OXSR1: variants seen among roughly 807,000 people sequenced by gnomAD.
The protein encoded by OXSR1 is serine/threonine-protein kinase OSR1.
Under a neutral mutation model 79.8 loss-of-function variants are expected in OXSR1, and 24 were observed. The observed-to-expected ratio is 0.30, with a 90% CI of 0.22 to 0.42. OXSR1 has a LOEUF of 0.42. OXSR1 is among the 10% of genes least tolerant of loss of function. The pLI is 1.00. For missense variants in OXSR1, 430 were observed against 618.4 expected, an observed-to-expected ratio of 0.70 and a Z score of 3.23; for synonymous variants, 226 against 209.2, an observed-to-expected ratio of 1.08 and a Z score of -0.69.
intron 1 of OXSR1, among the ~76,000 whole-genome samples, chr3:38,170,743 C>T (rs919520356): frequency 6.6e-6 from 1 of 152,150 alleles, no homozygotes. Flanking sequence ...TGGATATAAA[C>T]TGGAAGATGG....
chr3:38,172,506 C>T (rs1701601141), intron 1 of OXSR1, among the ~76,000 whole-genome samples: 1 of 152,168 alleles, frequency 6.6e-6, no homozygotes, highest in African/African-American at 2.4e-5. Flanking sequence ...CTAGCTTTGA[C>T]ACTTTGAAGG....
intron 11 of OXSR1, among the ~76,000 whole-genome samples, chr3:38,241,506 A>G (rs1428191658): frequency 1.6e-4 from 24 of 152,054 alleles, no homozygotes; most frequent in Admixed American, 1.5e-3. Context: ...GTGAAGTTAT[A>G]TAAGAAAATA....
At chr3:38,229,067 T>C (rs1422367634) in intron 8 of OXSR1, among the ~76,000 whole-genome samples, 1 of 152,208 alleles carries the variant, frequency 6.6e-6, no homozygotes, top group East Asian at 1.9e-4. Flanking sequence ...TAAAAGCTTG[T>C]AAAATTGACA....
At chr3:38,198,645 T>C (rs1575327840) in intron 3 of OXSR1, 77 bp from the exon 4 acceptor site, 3 of 1,090,892 alleles carry the variant, frequency 2.8e-6, no homozygotes, top group East Asian at 4.9e-5. Context: ...GGTTCACATG[T>C]GTTTTGATTC....
chr3:38,242,832 G>A lies in OXSR1; in HGVS notation c.1110+54G>A, dbSNP rs923314758. 1.4e-5 allele frequency: 16 copies of A among 1,111,774 alleles called. No individual in the cohort carries two copies. The African/African-American group carries it at 2.5e-4, about 17-fold the overall frequency. 68.9% of individuals were successfully genotyped at this position (1,111,774 alleles called of 1,614,324 possible). On this transcript the variant is annotated intron_variant, in intron 12 of 17. Coordinates refer to ENST00000311806, the MANE Select transcript of OXSR1 (RefSeq NM_005109.3). The stretch of plus-strand genomic sequence containing the variant: ...TTAAAGTAAATGTGCTTTTGTTTTG[G>A]TTTCAATTCGAAGTGCTTTTGTTTG...
Position 38,226,786 on chromosome 3 carries a change from G to C in OXSR1, c.836+2082G>C, listed in dbSNP as rs187206898. ...GAGACTAAGAAACTGTCACAGATTG[G>C]AGGAAATTAAGAAGACGTGAAGACG... On this transcript the variant is annotated intron_variant, in intron 8 of 17. Transcript: ENST00000311806. Among the ~76,000 whole-genome samples, 242 of 151,948 alleles carry C rather than the reference G, an allele frequency of 1.6e-3. 1 individual carries two copies. Among genetic ancestry groups the C allele is most frequent in the African/African-American group, 5.7e-3 (237 of 41,430 alleles).
At chr3:38,201,038 T>C (rs1702153328) in intron 4 of OXSR1, among the ~76,000 whole-genome samples, 1 of 152,086 alleles carries the variant, frequency 6.6e-6, no homozygotes, top group Non-Finnish European at 1.5e-5. Context: ...CCATTGGTAT[T>C]TCCTGTTGTG....
At chr3:38,229,559 G>A (rs1275909401) in intron 8 of OXSR1, 128 bp from the exon 9 acceptor site, 1 of 646,552 alleles carries the variant, frequency 1.5e-6, no homozygotes, top group Non-Finnish European at 2.7e-6. Flanking sequence ...AGCAGTTTAA[G>A]GAAAGTAGAG....
chr3:38,222,745 T>C (rs1702613995), intron 6 of OXSR1, among the ~76,000 whole-genome samples: 1 of 152,196 alleles, frequency 6.6e-6, no homozygotes, highest in African/African-American at 2.4e-5. Context: ...TCCTAACTTT[T>C]TCATTATAGA....
intron 1 of OXSR1, among the ~76,000 whole-genome samples, chr3:38,169,229 T>A (rs1440560990): frequency 6.6e-6 from 1 of 152,208 alleles, no homozygotes; most frequent in African/African-American, 2.4e-5. Flanking sequence ...TTATTAGACT[T>A]TCATGGATCT....
rs180736107 is a variant in OXSR1, at chr3:38,253,504, C to T, written c.*613C>T. On this transcript the variant is annotated 3_prime_UTR_variant, in exon 18 of 18. Coordinates refer to ENST00000311806, the MANE Select transcript of OXSR1 (RefSeq NM_005109.3). The stretch of plus-strand genomic sequence containing the variant: ...TTGCTGAAGCTGCTCTCAGGCACCC[C>T]CTTCTTCATTGCTCTCTCCAGAAAG... 280 of 152,898 alleles carry T rather than the reference C, an allele frequency of 1.8e-3. 1 individual carries two copies. The highest frequency in any genetic ancestry group is 2.6e-3 in the Non-Finnish European group (178 of 68,216). The allele number at this position is 152,898 out of a possible 1,614,324, so 9.5% of individuals were successfully genotyped here.
intron 4 of OXSR1, among the ~76,000 whole-genome samples, chr3:38,211,409 T>G (rs1702384943): frequency 6.6e-6 from 1 of 152,228 alleles, no homozygotes. Flanking sequence ...GAATTATTCC[T>G]TTTGTTCCTA....
chr3:38,251,906 C>T (rs748324794), intron 16 of OXSR1, among the ~76,000 whole-genome samples: 2 of 152,184 alleles, frequency 1.3e-5, no homozygotes, highest in Non-Finnish European at 2.9e-5. Context: ...TCCTTAGACA[C>T]AGTTTTCCGT....
chr3:38,172,842 CT>C (rs1327262764), intron 1 of OXSR1, among the ~76,000 whole-genome samples: 2 of 152,144 alleles, frequency 1.3e-5, no homozygotes, highest in African/African-American at 4.8e-5. Flanking sequence ...TAATAAAATC[CT>C]TTTTCCCCCT....
At chr3:38,226,144 A>G (rs184983542) in intron 8 of OXSR1, among the ~76,000 whole-genome samples, 272 of 152,166 alleles carry the variant, frequency 1.8e-3, no homozygotes, top group Non-Finnish European at 3.1e-3. Context: ...CTGGAAGAAC[A>G]CTTTCAAACT....
At chr3:38,201,715 A>G (rs1702168756) in intron 4 of OXSR1, among the ~76,000 whole-genome samples, 1 of 151,508 alleles carries the variant, frequency 6.6e-6, no homozygotes, top group South Asian at 2.1e-4. Flanking sequence ...CTCAAAAAAA[A>G]AATCCAGATA....
intron 5 of OXSR1, among the ~76,000 whole-genome samples, chr3:38,216,392 T>C (rs912447858): frequency 1.3e-4 from 20 of 152,170 alleles, no homozygotes; most frequent in African/African-American, 4.6e-4. Context: ...TATCCACTCC[T>C]TACTTCCATT....
rs763393480 is a variant in OXSR1, at chr3:38,183,159, T to A, written c.183+44T>A. The A allele has an allele frequency of 1.3e-5, 12 of 959,702 alleles. 1 individual carries two copies. Among genetic ancestry groups the A allele is most frequent in the Non-Finnish European group, 1.9e-5 (12 of 630,234 alleles). The allele number at this position is 959,702 out of a possible 1,614,324, so 59.4% of individuals were successfully genotyped here. On this transcript the variant is annotated intron_variant, in intron 2 of 17. Coordinates refer to ENST00000311806, the MANE Select transcript of OXSR1 (RefSeq NM_005109.3). Reference sequence around the variant, plus strand: ...TCTGAAATGGAGAGATATACTCATATATTCACATTACAATGGGAAATAACT... The same window carrying A: ...TCTGAAATGGAGAGATATACTCATAAATTCACATTACAATGGGAAATAACT...
chr3:38,186,962 A>C (rs899615751), intron 2 of OXSR1, among the ~76,000 whole-genome samples: 3 of 152,194 alleles, frequency 2.0e-5, no homozygotes, highest in Non-Finnish European at 4.4e-5. Flanking sequence ...CTATATCCTC[A>C]CCAATACTTG....
Sources: gnomAD v4.1 joint callset for allele counts (sites outside exome capture counted in the v4.1 genomes callset) on GRCh38, gnomAD v4.1.1 for gene constraint, MANE v1.5 for transcripts, NCBI Gene and HGNC (gene_info 2026-07-23, HGNC 2026-07-21) for gene names.